Variants in EXOC5 observed in about 807,000 individuals in gnomAD.
EXOC5 encodes the protein SEC10-like 1.
A neutral mutation model predicts 90.8 loss-of-function variants in EXOC5; 17 were observed. That is an observed-to-expected ratio of 0.19 (90% CI 0.13 to 0.28). The LOEUF is 0.28. Among genes scored for constraint, EXOC5 ranks in the 10% least tolerant of loss-of-function variants. The probability of loss-of-function intolerance (pLI) is 1.00; values close to 1 mark genes in which losing one functional copy is unlikely to be tolerated. For synonymous variants in EXOC5, 260 were observed against 270.0 expected (o/e 0.96, Z 0.36); for missense variants, 569 against 830.6 (o/e 0.69, Z 3.87).
intron 1 of EXOC5, among the ~76,000 whole-genome samples, chr14:57,251,327 G>A (rs1001399935): frequency 6.6e-6 from 1 of 152,156 alleles, no homozygotes; most frequent in Non-Finnish European, 1.5e-5. Context: ...AGGGCTAATT[G>A]CTGCTTCAGA....
intron 10 of EXOC5, 157 bp downstream of exon 10, chr14:57,232,510 G>T: frequency 2.2e-6 from 1 of 449,396 alleles, no homozygotes; most frequent in Non-Finnish European, 3.9e-6. Flanking sequence ...GTACAATACA[G>T]TCTTGTACAA....
At chr14:57,253,911 G>A (rs1884266411) in intron 1 of EXOC5, among the ~76,000 whole-genome samples, 1 of 151,818 alleles carries the variant, frequency 6.6e-6, no homozygotes, top group African/African-American at 2.4e-5. Flanking sequence ...GAAAATACAG[G>A]GTAAAGCTTC....
chr14:57,239,572 T>G (rs1403988717), intron 5 of EXOC5, 23 bp downstream of exon 5: 1 of 1,311,342 alleles, frequency 7.6e-7, no homozygotes. Context: ...ATATTCAAAT[T>G]AGCTCTTGAG....
At chr14:57,260,907 G>A (rs1339782548) in intron 1 of EXOC5, among the ~76,000 whole-genome samples, 3 of 152,038 alleles carry the variant, frequency 2.0e-5, no homozygotes, top group Non-Finnish European at 4.4e-5. Context: ...CAAATTAAGT[G>A]TATTGCCAAA....
At position 57,249,247 on chromosome 14, in the gene EXOC5, C is replaced by T. The variant is rs182050703; in HGVS notation, c.28-1535G>A. Reference sequence around the variant, plus strand: ...TTGTGAAATTAGGAAGTAGTCAGCCCTTTCAAAAATCTACAGTACTTCCAT... The same window carrying T: ...TTGTGAAATTAGGAAGTAGTCAGCCTTTTCAAAAATCTACAGTACTTCCAT... On this transcript the variant is annotated intron_variant, in intron 1 of 17. Transcript: ENST00000621441. 3.2e-3 allele frequency among the ~76,000 whole-genome samples: 494 copies of T among 152,104 alleles called. 2 individuals carry two copies. The highest frequency in any genetic ancestry group is 0.017 in the Middle Eastern group (5 of 294).
At chr14:57,239,497 T>C in intron 5 of EXOC5, 98 bp downstream of exon 5, 1 of 734,494 alleles carries the variant, frequency 1.4e-6, no homozygotes, top group Non-Finnish European at 2.2e-6. Context: ...TAAATTTCCG[T>C]TTAATTAATG....
At chr14:57,233,649 T>C (rs1485082939) in intron 9 of EXOC5, 94 bp downstream of exon 9, 1 of 746,662 alleles carries the variant, frequency 1.3e-6, no homozygotes, top group Non-Finnish European at 2.2e-6. Flanking sequence ...GGTCATTACA[T>C]AAGTAAACTA....
chr14:57,242,951 T>G (rs1316262599), intron 4 of EXOC5, among the ~76,000 whole-genome samples: 1 of 152,162 alleles, frequency 6.6e-6, no homozygotes, highest in African/African-American at 2.4e-5. Flanking sequence ...TTGCAGCAAC[T>G]TGGATAGAGC....
At position 57,209,579 on chromosome 14, in the gene EXOC5, G is replaced by A; in HGVS notation, c.1926C>T (p.Ala642=). The change falls in exon 17 of 18, where the codon GCC becomes GCT. Residue 642 remains alanine (A), a synonymous_variant. Coordinates refer to ENST00000621441, the MANE Select transcript of EXOC5 (RefSeq NM_006544.4). Reference sequence around the variant, plus strand: ...TGTGTACACATACCTTGAAGTCTTTGGCACACTTCCTATATTCGGCTACAT... The same window carrying A: ...TGTGTACACATACCTTGAAGTCTTTAGCACACTTCCTATATTCGGCTACAT... ...ICDVAEYRKC[A]KDFKIPMVLH... 6.2e-7 allele frequency: 1 copy of A among 1,608,108 alleles called. No homozygotes were observed. The highest frequency in any genetic ancestry group is 1.1e-5 in the South Asian group (1 of 90,788).
intron 15 of EXOC5, among the ~76,000 whole-genome samples, chr14:57,211,438 C>A (rs1882822496): frequency 6.6e-6 from 1 of 152,136 alleles, no homozygotes; most frequent in Non-Finnish European, 1.5e-5. Context: ...AAGTCACCAC[C>A]TTGTTCATCC....
At chr14:57,224,919 G>A (rs770327764) in intron 12 of EXOC5, among the ~76,000 whole-genome samples, 6 of 152,020 alleles carry the variant, frequency 3.9e-5, no homozygotes, top group South Asian at 2.1e-4. Flanking sequence ...AAACTCAGCC[G>A]GGCATGGTGG....
chr14:57,263,307 C>CA (rs775676296), intron 1 of EXOC5, among the ~76,000 whole-genome samples: 8 of 151,958 alleles, frequency 5.3e-5, no homozygotes, highest in East Asian at 1.9e-4. Context: ...CCCGTCCCTA[C>CA]AAAAAATAAA....
intron 15 of EXOC5, among the ~76,000 whole-genome samples, chr14:57,215,005 G>A (rs1882931646): frequency 6.6e-6 from 1 of 152,094 alleles, no homozygotes; most frequent in Non-Finnish European, 1.5e-5. Context: ...TGAGGCGGGT[G>A]GACTGCCTGA....
chr14:57,213,628 A>G (rs983890364), intron 15 of EXOC5, among the ~76,000 whole-genome samples: 1 of 151,736 alleles, frequency 6.6e-6, no homozygotes, highest in Non-Finnish European at 1.5e-5. Context: ...GGGTGGTCTC[A>G]GTTCGAGACT....
chr14:57,232,089 T>C (rs1349664893), intron 10 of EXOC5: 1 of 173,362 alleles, frequency 5.8e-6, no homozygotes, highest in Non-Finnish European at 1.2e-5. Flanking sequence ...TTTTGTTTTG[T>C]CCTTGTGGAC....
chr14:57,241,906 G>A (rs1299203523), intron 4 of EXOC5, among the ~76,000 whole-genome samples: 1 of 152,006 alleles, frequency 6.6e-6, no homozygotes, highest in African/African-American at 2.4e-5. Flanking sequence ...GGCCGAGGTG[G>A]GCGGATCACA....
Position 57,212,677 on chromosome 14 carries a change from G to A in EXOC5, c.1614-2616C>T, listed in dbSNP as rs189062856. Among the ~76,000 whole-genome samples the A allele has an allele frequency of 2.6e-4, 40 of 152,312 alleles. 1 individual carries two copies. In the East Asian group the frequency reaches 7.5e-3, roughly 29 times the overall value. ...CAACAACCCTGGCAAACTCATTAAGGAATTTCTCTGCTGCTTCATGACCAG... is the reference window on the plus strand; with the variant it reads ...CAACAACCCTGGCAAACTCATTAAGAAATTTCTCTGCTGCTTCATGACCAG... On this transcript the variant is annotated intron_variant, in intron 15 of 17. Coordinates refer to ENST00000621441, the MANE Select transcript of EXOC5 (RefSeq NM_006544.4).
chr14:57,243,135 A>C (rs928149660), intron 4 of EXOC5: 1 of 152,202 alleles, frequency 6.6e-6, no homozygotes, highest in East Asian at 1.9e-4. Flanking sequence ...ACAAGACTAC[A>C]TATTGGATAC....
rs777919190 is a variant in EXOC5 at position 57,208,595 on chromosome 14, T to C, written c.*14A>G. On this transcript the variant is annotated 3_prime_UTR_variant, in exon 18 of 18. Coordinates refer to ENST00000621441, the MANE Select transcript of EXOC5 (RefSeq NM_006544.4). ...GTAAAGGAACTGACACTGAATTCCT[T>C]TGTAAATTCAATCTCAGCTGAAGTG... 1.1e-4 allele frequency: 171 copies of C among 1,582,044 alleles called. No homozygotes were observed. The highest frequency in any genetic ancestry group is 1.3e-4 in the Non-Finnish European group (155 of 1,155,452).
Sources: allele counts gnomAD v4.1 joint callset (sites outside exome capture counted in the v4.1 genomes callset), GRCh38; gene constraint gnomAD v4.1.1; transcripts MANE v1.5; gene names NCBI Gene and HGNC (gene_info 2026-07-23, HGNC 2026-07-21).